The following IL20RB variants were observed in gnomAD, a reference collection of about 807,000 sequenced individuals.
IL20RB encodes interleukin-20 receptor subunit beta.
Under a neutral mutation model 33.3 loss-of-function variants are expected in IL20RB, and 21 were observed. That is an observed-to-expected ratio of 0.63 (90% CI 0.45 to 0.91). IL20RB has a LOEUF of 0.91. Among genes scored for constraint, IL20RB ranks in the 40% least tolerant of loss-of-function variants. IL20RB has a pLI of 0.00. For missense variants in IL20RB, 345 were observed against 384.8 expected, an observed-to-expected ratio of 0.90 and a Z score of 0.86; for synonymous variants, 147 against 146.8, an observed-to-expected ratio of 1.00 and a Z score of -0.01.
intron 1 of IL20RB, among the ~76,000 whole-genome samples, chr3:136,963,081 T>C (rs1941268120): frequency 6.6e-6 from 1 of 152,204 alleles, no homozygotes; most frequent in South Asian, 2.1e-4. Flanking sequence ...CAAAATACAG[T>C]TAATCTGTTC....
At chr3:136,983,406 A>T (rs1272718987) in intron 3 of IL20RB, among the ~76,000 whole-genome samples, 1 of 152,180 alleles carries the variant, frequency 6.6e-6, no homozygotes, top group Non-Finnish European at 1.5e-5. Flanking sequence ...CTATCTTACA[A>T]AGCAACACTC....
chr3:136,961,033 C>T (rs895643066), intron 1 of IL20RB, among the ~76,000 whole-genome samples: 1 of 152,192 alleles, frequency 6.6e-6, no homozygotes, highest in African/African-American at 2.4e-5. Flanking sequence ...CATGCTACTT[C>T]CCTTGGACTG....
Position 136,982,178 on chromosome 3 carries a change from C to A in IL20RB, c.234C>A (p.Tyr78Ter). The A allele has an allele frequency of 6.3e-7, 1 of 1,589,152 alleles. No homozygotes were observed. The highest frequency in any genetic ancestry group is 8.6e-7 in the Non-Finnish European group (1 of 1,160,914). The change falls in exon 3 of 7, where the codon TAC becomes TAA. Residue 78 changes from tyrosine to a stop codon, truncating the protein, a stop_gained. Coordinates refer to ENST00000329582, the MANE Select transcript of IL20RB (RefSeq NM_144717.4). LOFTEE classifies it high-confidence loss of function. ...VEYQGEYESL[Y>*]TSHIWIPSSW... Reference sequence around the variant, plus strand: ...TTGACAGGGAGTACGAGAGCCTGTACACGAGCCACATCTGGATCCCCAGCA... The same window carrying A: ...TTGACAGGGAGTACGAGAGCCTGTAAACGAGCCACATCTGGATCCCCAGCA...
At chr3:137,009,913 A>G (rs1176017688) in intron 6 of IL20RB, among the ~76,000 whole-genome samples, 200 bp from the exon 7 acceptor site, 1 of 152,028 alleles carries the variant, frequency 6.6e-6, no homozygotes, top group African/African-American at 2.4e-5. Context: ...GCAGGGCTTC[A>G]AGGGAACTGT....
chr3:136,958,961 G>C (rs1485103883), intron 1 of IL20RB, among the ~76,000 whole-genome samples: 1 of 152,082 alleles, frequency 6.6e-6, no homozygotes, highest in Admixed American at 6.6e-5. Flanking sequence ...CTGTGTGTGT[G>C]TGTGTGTTTT....
intron 6 of IL20RB, among the ~76,000 whole-genome samples, chr3:136,999,179 CTCGA>C (rs1942192744): frequency 6.6e-6 from 1 of 152,084 alleles, no homozygotes; most frequent in Non-Finnish European, 1.5e-5. Context: ...TCACTGCAGC[CTCGA>C]CCTTCTGGGT....
rs569887426 is a variant in IL20RB, at chr3:136,999,521, T to C, written c.825+3965T>C. On this transcript the variant is annotated intron_variant, in intron 6 of 6. Coordinates refer to ENST00000329582, the MANE Select transcript of IL20RB (RefSeq NM_144717.4). Reference sequence around the variant, plus strand: ...CTCCCAAAGTGTTGGGCTTAACAGATATGAGCCACTGCTCCCAGCCCATAT... The same window carrying C: ...CTCCCAAAGTGTTGGGCTTAACAGACATGAGCCACTGCTCCCAGCCCATAT... Among the ~76,000 whole-genome samples, 26 of 151,758 alleles carry C rather than the reference T, an allele frequency of 1.7e-4. No homozygotes were observed. In the South Asian group the frequency reaches 5.4e-3, roughly 32 times the overall value.
At chr3:136,998,518 T>C (rs1704987516) in intron 6 of IL20RB, among the ~76,000 whole-genome samples, 1 of 151,918 alleles carries the variant, frequency 6.6e-6, no homozygotes, top group Admixed American at 6.5e-5. Context: ...TTTTTAATTA[T>C]AGGTTTAGTA....
intron 1 of IL20RB, among the ~76,000 whole-genome samples, chr3:136,971,146 T>G (rs1347683508): frequency 6.6e-6 from 1 of 152,126 alleles, no homozygotes; most frequent in Admixed American, 6.5e-5. Flanking sequence ...GTTTTGTTTT[T>G]TTGAGACGGA....
At chr3:136,989,837 G>C (rs1200291320) in intron 4 of IL20RB, among the ~76,000 whole-genome samples, 2 of 152,134 alleles carry the variant, frequency 1.3e-5, no homozygotes, top group East Asian at 3.9e-4. Context: ...CTCTAACATA[G>C]TTGGACCACA....
At chr3:137,004,767 T>G (rs1193735464) in intron 6 of IL20RB, among the ~76,000 whole-genome samples, 1 of 152,202 alleles carries the variant, frequency 6.6e-6, no homozygotes, top group Non-Finnish European at 1.5e-5. Context: ...TCTCTCTCTT[T>G]CAGTTCTGCT....
intron 6 of IL20RB, among the ~76,000 whole-genome samples, chr3:137,001,207 C>A (rs1235741129): frequency 2.0e-5 from 3 of 152,200 alleles, no homozygotes; most frequent in Non-Finnish European, 4.4e-5. Context: ...ACGTCACTAC[C>A]CTTGACTACC....
chr3:136,998,384 G>T (rs548676991), intron 6 of IL20RB, among the ~76,000 whole-genome samples: 3 of 150,868 alleles, frequency 2.0e-5, no homozygotes, highest in Non-Finnish European at 4.4e-5. Context: ...TATTTTTAAG[G>T]TATTTAAAAT....
chr3:136,985,822 G>A (rs967829776), intron 3 of IL20RB, among the ~76,000 whole-genome samples: 1 of 152,136 alleles, frequency 6.6e-6, no homozygotes, highest in Non-Finnish European at 1.5e-5. Flanking sequence ...TTATTTTCAT[G>A]TACAGCCAGG....
intron 6 of IL20RB, among the ~76,000 whole-genome samples, chr3:136,999,431 T>G: frequency 6.6e-6 from 1 of 151,998 alleles, no homozygotes; most frequent in Non-Finnish European, 1.5e-5. Flanking sequence ...AGTGATGGGG[T>G]TCTCCCTATG....
intron 3 of IL20RB, among the ~76,000 whole-genome samples, chr3:136,984,537 G>A (rs1001008377): frequency 3.4e-4 from 51 of 151,920 alleles, no homozygotes; most frequent in African/African-American, 1.2e-3. Context: ...GGTGGAAGAA[G>A]GTTTGGGGCA....
chr3:137,004,391 G>C (rs538311673), intron 6 of IL20RB, among the ~76,000 whole-genome samples: 1 of 152,128 alleles, frequency 6.6e-6, no homozygotes, highest in Non-Finnish European at 1.5e-5. Flanking sequence ...AATCCGTCTG[G>C]TCCTGGACTT....
chr3:136,979,589 T>C (rs1275903994), intron 1 of IL20RB, among the ~76,000 whole-genome samples: 1 of 152,184 alleles, frequency 6.6e-6, no homozygotes, highest in African/African-American at 2.4e-5. Flanking sequence ...AGGTTCAGCT[T>C]CATAGGCCTC....
chr3:136,999,354 C>T (rs909698206), intron 6 of IL20RB, among the ~76,000 whole-genome samples: 3 of 152,112 alleles, frequency 2.0e-5, no homozygotes, highest in Non-Finnish European at 2.9e-5. Context: ...CTTTGGACTC[C>T]CAAAGTGCTG....
Sources: gnomAD v4.1 joint callset for allele counts (sites outside exome capture counted in the v4.1 genomes callset) on GRCh38, gnomAD v4.1.1 for gene constraint, MANE v1.5 for transcripts, NCBI Gene and HGNC (gene_info 2026-07-23, HGNC 2026-07-21) for gene names.